The following GRIK2 variants were observed in gnomAD, a reference collection of about 807,000 sequenced individuals.
The protein encoded by GRIK2 is glutamate ionotropic receptor kainate type subunit 2, also known as glutamate receptor ionotropic, kainate 2.
In GRIK2, 32 loss-of-function variants were observed where a neutral mutation model predicts 100.3. The ratio of observed to expected loss-of-function variants is 0.32; its 90% confidence interval spans 0.24 to 0.43. The LOEUF (loss-of-function observed/expected upper bound fraction) is 0.43, where lower values mean the gene tolerates loss of function less well. GRIK2 is among the 20% of genes least tolerant of loss of function. GRIK2 has a pLI of 1.00. For missense variants in GRIK2, 843 were observed against 1,114.9 expected (o/e 0.76, Z 3.47); for synonymous variants, 417 against 389.4 (o/e 1.07, Z -0.83).
chr6:101,731,232 T>C (rs1300634879), intron 7 of GRIK2, among the ~76,000 whole-genome samples: 1 of 151,988 alleles, frequency 6.6e-6, no homozygotes, highest in Non-Finnish European at 1.5e-5. Flanking sequence ...CTAAAGAAAC[T>C]GTTTTGATGC....
intron 11 of GRIK2, among the ~76,000 whole-genome samples, chr6:101,887,398 T>C (rs1369709263): frequency 2.0e-5 from 3 of 152,196 alleles, no homozygotes; most frequent in African/African-American, 7.2e-5. Flanking sequence ...TTGCTTTTCA[T>C]GTGCCTAAGA....
intron 7 of GRIK2, among the ~76,000 whole-genome samples, chr6:101,794,131 G>A (rs1184053191): frequency 6.6e-6 from 1 of 152,112 alleles, no homozygotes; most frequent in Non-Finnish European, 1.5e-5. Context: ...TCCTTGACCA[G>A]GAAAGGGAAC....
At chr6:101,723,922 C>T (rs987089066) in intron 7 of GRIK2, among the ~76,000 whole-genome samples, 14 of 151,590 alleles carry the variant, frequency 9.2e-5, no homozygotes, top group African/African-American at 3.4e-4. Context: ...TTATCTTTTT[C>T]TTATTTTAGA....
At chr6:101,478,715 G>A (rs1279743061) in intron 2 of GRIK2, among the ~76,000 whole-genome samples, 2 of 151,322 alleles carry the variant, frequency 1.3e-5, no homozygotes, top group East Asian at 3.9e-4. Context: ...TAGTAAAGAC[G>A]GGGTTTCACC....
intron 7 of GRIK2, among the ~76,000 whole-genome samples, chr6:101,731,884 A>T (rs751016415): frequency 2.6e-5 from 4 of 152,050 alleles, no homozygotes; most frequent in Non-Finnish European, 1.5e-5. Context: ...TGGCCTGCCA[A>T]GACCAAGAGT....
chr6:101,937,587 A>G (rs1160244533), intron 14 of GRIK2, among the ~76,000 whole-genome samples: 1 of 152,160 alleles, frequency 6.6e-6, no homozygotes, highest in East Asian at 1.9e-4. Flanking sequence ...TTAGTGCTTT[A>G]TATCTTACAT....
In GRIK2 at chr6:102,041,886, T is replaced by TTGTC. The variant is rs1322671406; in HGVS notation, c.2311+6322_2311+6325dup. Among the ~76,000 whole-genome samples the TTGTC allele has an allele frequency of 5.9e-5, 9 of 151,638 alleles. 1 individual carries two copies. The highest frequency in any genetic ancestry group is 4.1e-4 in the South Asian group (2 of 4,820). ...CTATTTATACATTTTTAGAACTGTC[T>TTGTC]TGTCTTTGTATGTTTAGGGATATTA... On this transcript the variant is annotated intron_variant, in intron 15 of 16. Transcript: ENST00000369134.
At chr6:102,066,365 C>G (rs762641922) in intron 16 of GRIK2, among the ~76,000 whole-genome samples, 1 of 151,502 alleles carries the variant, frequency 6.6e-6, no homozygotes, top group African/African-American at 2.4e-5. Flanking sequence ...GCCGTGAGAA[C>G]TTGACCTCTG....
At chr6:101,426,886 A>G (rs913097698) in intron 2 of GRIK2, among the ~76,000 whole-genome samples, 1 of 152,126 alleles carries the variant, frequency 6.6e-6, no homozygotes, top group Non-Finnish European at 1.5e-5. Context: ...ACCCCTTTCC[A>G]GCGGTCCTCT....
At chr6:101,596,794 G>C (rs1778948385) in intron 2 of GRIK2, among the ~76,000 whole-genome samples, 2 of 151,624 alleles carry the variant, frequency 1.3e-5, no homozygotes, top group South Asian at 4.1e-4. Flanking sequence ...GTGATCCCTG[G>C]AGCAGTATAG....
chr6:101,812,143 CAAA>C (rs968814461), intron 9 of GRIK2, among the ~76,000 whole-genome samples: 4 of 150,780 alleles, frequency 2.7e-5, no homozygotes, highest in Non-Finnish European at 5.9e-5. Context: ...AAGAATAACA[CAAA>C]AAACATGAAG....
chr6:101,747,317 A>G (rs1001342945), intron 7 of GRIK2, among the ~76,000 whole-genome samples: 31 of 152,206 alleles, frequency 2.0e-4, no homozygotes, highest in African/African-American at 7.5e-4. Flanking sequence ...TCATACCCAC[A>G]TGAATCAGCA....
At chr6:101,908,679 A>G (rs977446491) in intron 12 of GRIK2, among the ~76,000 whole-genome samples, 3 of 151,390 alleles carry the variant, frequency 2.0e-5, no homozygotes, top group Non-Finnish European at 3.0e-5. Context: ...CTGTCTTTCA[A>G]TTAATAAATT....
At chr6:101,810,028 G>A (rs1270929102) in intron 9 of GRIK2, among the ~76,000 whole-genome samples, 1 of 151,674 alleles carries the variant, frequency 6.6e-6, no homozygotes, top group Non-Finnish European at 1.5e-5. Context: ...GCCCACCAAT[G>A]AATATTAAAT....
At chr6:101,799,823 C>G in intron 8 of GRIK2, 32 bp downstream of exon 8, 1 of 1,564,464 alleles carries the variant, frequency 6.4e-7, no homozygotes. Flanking sequence ...TGCCTTGTCT[C>G]TTTTGTTGTC....
At chr6:101,770,038 A>C (rs1358002956) in intron 7 of GRIK2, among the ~76,000 whole-genome samples, 1 of 152,104 alleles carries the variant, frequency 6.6e-6, no homozygotes, top group African/African-American at 2.4e-5. Context: ...TTTTTTTGTT[A>C]TCAGACATAC....
chr6:101,430,922 G>C (rs1188507340), intron 2 of GRIK2: 1 of 334,334 alleles, frequency 3.0e-6, no homozygotes, highest in African/African-American at 2.2e-5. Context: ...TCTTCATGAG[G>C]TCCAGGTGCA....
chr6:101,781,230 C>T (rs1779072483), intron 7 of GRIK2, among the ~76,000 whole-genome samples: 1 of 152,000 alleles, frequency 6.6e-6, no homozygotes, highest in Non-Finnish European at 1.5e-5. Flanking sequence ...GATCAGATTT[C>T]ACTAATAATT....
chr6:101,900,325 G>A (rs1323825541), intron 12 of GRIK2, among the ~76,000 whole-genome samples: 3 of 151,946 alleles, frequency 2.0e-5, no homozygotes, highest in Admixed American at 6.6e-5. Flanking sequence ...TTAGCCGGGC[G>A]TGGTGGCACA....
Sources: allele counts gnomAD v4.1 joint callset (sites outside exome capture counted in the v4.1 genomes callset), GRCh38; gene constraint gnomAD v4.1.1; transcripts MANE v1.5; gene names NCBI Gene and HGNC (gene_info 2026-07-23, HGNC 2026-07-21).